The following GRIK4 variants were observed in gnomAD, a reference collection of about 807,000 sequenced individuals.
GRIK4 encodes glutamate ionotropic receptor kainate type subunit 4.
In GRIK4, 40 loss-of-function variants were observed where a neutral mutation model predicts 104.9. That is an observed-to-expected ratio of 0.38 (90% CI 0.30 to 0.50). The LOEUF is 0.50. Ranked by LOEUF, GRIK4 falls within the 20% of genes least tolerant of loss-of-function variation. The pLI is 0.93. For synonymous variants in GRIK4, 485 were observed against 524.9 expected, an observed-to-expected ratio of 0.92 and a Z score of 1.04; for missense variants, 1,047 against 1,308.1, an observed-to-expected ratio of 0.80 and a Z score of 3.08.
chr11:120,741,999 T>C (rs1951341300), intron 3 of GRIK4, among the ~76,000 whole-genome samples: 1 of 152,160 alleles, frequency 6.6e-6, no homozygotes, highest in Admixed American at 6.5e-5. Flanking sequence ...ATTTGGAGAC[T>C]GGGCTCACAT....
chr11:120,886,878 A>G (rs987663483), intron 11 of GRIK4, among the ~76,000 whole-genome samples: 37 of 152,176 alleles, frequency 2.4e-4, no homozygotes, highest in Admixed American at 6.5e-5. Flanking sequence ...CAGAAGTAGA[A>G]TCCAGATCTT....
At chr11:120,585,505 T>G (rs1452454938) in intron 1 of GRIK4, among the ~76,000 whole-genome samples, 1 of 152,156 alleles carries the variant, frequency 6.6e-6, no homozygotes, top group Non-Finnish European at 1.5e-5. Flanking sequence ...TGAGCTACTG[T>G]GCCGTGCCCT....
At chr11:120,842,258 G>A (rs1953737017) in intron 8 of GRIK4, among the ~76,000 whole-genome samples, 1 of 152,172 alleles carries the variant, frequency 6.6e-6, no homozygotes, top group Admixed American at 6.5e-5. Context: ...CAAGGCCCCA[G>A]TCTTCTTCTA....
intron 8 of GRIK4, among the ~76,000 whole-genome samples, chr11:120,848,814 T>C (rs1191598116): frequency 6.6e-6 from 1 of 152,088 alleles, no homozygotes; most frequent in Admixed American, 6.5e-5. Context: ...AGCCAGCCCC[T>C]GGGCCTTTCA....
At chr11:120,528,320 C>T (rs1947882935) in intron 1 of GRIK4, among the ~76,000 whole-genome samples, 1 of 151,976 alleles carries the variant, frequency 6.6e-6, no homozygotes, top group African/African-American at 2.4e-5. Flanking sequence ...ACAGTGTTAG[C>T]CAGGATGGTC....
intron 3 of GRIK4, among the ~76,000 whole-genome samples, chr11:120,736,530 A>G (rs1951225084): frequency 6.6e-6 from 1 of 152,122 alleles, no homozygotes; most frequent in African/African-American, 2.4e-5. Flanking sequence ...ATCATAATTT[A>G]CTGGTAGTGG....
At chr11:120,517,719 C>A (rs1216623178) in intron 1 of GRIK4, among the ~76,000 whole-genome samples, 3 of 152,162 alleles carry the variant, frequency 2.0e-5, no homozygotes, top group African/African-American at 7.2e-5. Context: ...AACTCTACTT[C>A]ACGGAGCTCC....
intron 3 of GRIK4, among the ~76,000 whole-genome samples, chr11:120,710,416 C>G (rs1429089021): frequency 1.3e-5 from 2 of 152,138 alleles, no homozygotes; most frequent in Non-Finnish European, 2.9e-5. Context: ...CTGGTGGACC[C>G]CAGGGGTGGC....
At chr11:120,965,173 G>C (rs1944362137) in intron 18 of GRIK4, among the ~76,000 whole-genome samples, 1 of 152,192 alleles carries the variant, frequency 6.6e-6, no homozygotes, top group Non-Finnish European at 1.5e-5. Flanking sequence ...GACAGAACAA[G>C]GAACAAGATG....
chr11:120,636,859 G>A (rs1949403045), intron 1 of GRIK4, among the ~76,000 whole-genome samples: 1 of 151,966 alleles, frequency 6.6e-6, no homozygotes. Context: ...AGAAAGGAAG[G>A]AAGAGTTCTA....
chr11:120,550,849 G>A (rs867666353), intron 1 of GRIK4, among the ~76,000 whole-genome samples: 93 of 152,244 alleles, frequency 6.1e-4, no homozygotes, highest in African/African-American at 2.0e-3. Flanking sequence ...GGCACAAACC[G>A]TTCTTTGAGG....
At chr11:120,690,847 C>A (rs937002219) in intron 3 of GRIK4, among the ~76,000 whole-genome samples, 13 of 152,226 alleles carry the variant, frequency 8.5e-5, no homozygotes, top group African/African-American at 3.1e-4. Flanking sequence ...TGAAATAATT[C>A]TTGCCCTTCT....
At chr11:120,699,569 G>C (rs1950517194) in intron 3 of GRIK4, among the ~76,000 whole-genome samples, 1 of 146,642 alleles carries the variant, frequency 6.8e-6, no homozygotes, top group African/African-American at 2.5e-5. Flanking sequence ...GTGTGTGTGT[G>C]TGTGTGTGTG....
At chr11:120,911,252 T>G (rs1446297941) in intron 13 of GRIK4, among the ~76,000 whole-genome samples, 2 of 151,092 alleles carry the variant, frequency 1.3e-5, no homozygotes, top group Non-Finnish European at 3.0e-5. Context: ...TTTTTTTTTT[T>G]TTTTGAGACG....
At chr11:120,944,358 G>A (rs1381422580) in intron 14 of GRIK4, among the ~76,000 whole-genome samples, 3 of 152,100 alleles carry the variant, frequency 2.0e-5, no homozygotes, top group Non-Finnish European at 2.9e-5. Context: ...CTGAGTTCCA[G>A]TAGTGTAATT....
intron 3 of GRIK4, among the ~76,000 whole-genome samples, chr11:120,756,840 TG>T (rs1951662822): frequency 6.6e-6 from 1 of 152,232 alleles, no homozygotes; most frequent in South Asian, 2.1e-4. Flanking sequence ...GCAGGCTTTT[TG>T]CAGCCTGGAT....
chr11:120,978,928 G>A (rs936075332), intron 19 of GRIK4, among the ~76,000 whole-genome samples: 3 of 152,214 alleles, frequency 2.0e-5, no homozygotes, highest in Non-Finnish European at 2.9e-5. Context: ...ATCAGGACTA[G>A]AAAATTTCCA....
chr11:120,850,449 G>A (rs1953947740), intron 8 of GRIK4, among the ~76,000 whole-genome samples: 1 of 152,110 alleles, frequency 6.6e-6, no homozygotes, highest in African/African-American at 2.4e-5. Flanking sequence ...GAGAGATCTG[G>A]GGCCAGGGCA....
rs1188380917 is a variant in GRIK4, at chr11:120,555,926, C to T, written c.-159+44039C>T. ...AATGACCAGGTTGACACAGGCACTT[C>T]TCACCACAGACAGGTCATATTTCTA... On this transcript the variant is annotated intron_variant, in intron 1 of 20. Transcript: ENST00000527524. The surrounding 1 kb of genome is among the most constrained non-coding windows in gnomAD (Gnocchi z 5.3). 6.6e-6 allele frequency among the ~76,000 whole-genome samples: 1 copy of T among 152,188 alleles called. No homozygotes were observed. The highest frequency in any genetic ancestry group is 2.4e-5 in the African/African-American group (1 of 41,444).
Sources: allele counts gnomAD v4.1 joint callset (sites outside exome capture counted in the v4.1 genomes callset), GRCh38; gene constraint gnomAD v4.1.1; non-coding constraint Gnocchi (gnomAD v3.1); transcripts MANE v1.5; gene names NCBI Gene and HGNC (gene_info 2026-07-23, HGNC 2026-07-21).